The following PCDH15 variants were observed in gnomAD, a reference collection of about 807,000 sequenced individuals.
PCDH15 encodes the protein protocadherin related 15.
In PCDH15, 129 loss-of-function variants were observed where a neutral mutation model predicts 178.5. The observed-to-expected ratio is 0.72, with a 90% CI of 0.63 to 0.84. PCDH15 has a LOEUF of 0.84. PCDH15 is among the 40% of genes least tolerant of loss of function. PCDH15 has a pLI of 0.00. For missense variants in PCDH15, 2,230 were observed against 2,099.9 expected (o/e 1.06, Z -1.21); for synonymous variants, 800 against 732.0 (o/e 1.09, Z -1.50).
intron 8 of PCDH15, among the ~76,000 whole-genome samples, chr10:54,251,044 G>T (rs562176435): frequency 6.6e-6 from 1 of 152,030 alleles, no homozygotes; most frequent in Non-Finnish European, 1.5e-5. Context: ...ACGTCTTTGA[G>T]TACTTTTATT....
chr10:53,898,209 C>T (rs1359006962), intron 26 of PCDH15, among the ~76,000 whole-genome samples: 1 of 151,796 alleles, frequency 6.6e-6, no homozygotes, highest in East Asian at 1.9e-4. Context: ...CCTCGTGATC[C>T]GCCCGCCTCG....
At chr10:55,155,948 G>A (rs1838875703) in intron 2 of PCDH15, among the ~76,000 whole-genome samples, 1 of 152,100 alleles carries the variant, frequency 6.6e-6, no homozygotes, top group Non-Finnish European at 1.5e-5. Flanking sequence ...TGATTCAGCA[G>A]TCAACAAAGC....
chr10:55,202,252 C>T (rs547785326), intron 1 of PCDH15, among the ~76,000 whole-genome samples: 3 of 152,130 alleles, frequency 2.0e-5, no homozygotes, highest in East Asian at 1.9e-4. Context: ...TCCAAGATGG[C>T]GAGTCAAAAA....
At chr10:55,599,840 G>T in intron 2 of PCDH15, 1 of 1,058,108 alleles carries the variant, frequency 9.5e-7, no homozygotes, top group Admixed American at 2.5e-5. Context: ...TAAGGGTTGC[G>T]GTATCCTGAA....
chr10:55,405,438 A>G (rs1355809298), intron 2 of PCDH15, among the ~76,000 whole-genome samples: 1 of 151,270 alleles, frequency 6.6e-6, no homozygotes, highest in Non-Finnish European at 1.5e-5. Flanking sequence ...TCATCTTTTC[A>G]GCCTTTGCCT....
intron 2 of PCDH15, among the ~76,000 whole-genome samples, chr10:55,551,626 C>T (rs1363561775): frequency 6.6e-6 from 1 of 151,568 alleles, no homozygotes; most frequent in African/African-American, 2.4e-5. Context: ...ACAAATTAAC[C>T]TCAATTTGTG....
At chr10:54,107,929 T>C (rs977509724) in intron 15 of PCDH15, among the ~76,000 whole-genome samples, 15 of 152,068 alleles carry the variant, frequency 9.9e-5, no homozygotes, top group African/African-American at 3.6e-4. Context: ...TAGGACTGGG[T>C]CAGAATGGGA....
At chr10:55,005,457 A>C (rs78072740) in intron 2 of PCDH15, among the ~76,000 whole-genome samples, 1,972 of 152,250 alleles carry the variant, frequency 0.013, 43 homozygotes, top group African/African-American at 0.044. Flanking sequence ...TTTTATGTTT[A>C]TCAAGATATT....
At chr10:54,656,425 A>G (rs2094408380) in intron 2 of PCDH15, among the ~76,000 whole-genome samples, 1 of 152,146 alleles carries the variant, frequency 6.6e-6, no homozygotes, top group Non-Finnish European at 1.5e-5. Context: ...CTACCCTCAC[A>G]ATCCTGGGCA....
chr10:54,031,432 G>A (rs993221371), intron 18 of PCDH15, among the ~76,000 whole-genome samples: 2 of 151,932 alleles, frequency 1.3e-5, no homozygotes, highest in African/African-American at 4.8e-5. Flanking sequence ...AATCTGTGGT[G>A]TATCCATGTA....
chr10:54,804,116 T>C (rs927791611), upstream of PCDH15, among the ~76,000 whole-genome samples: 1 of 152,142 alleles, frequency 6.6e-6, no homozygotes, highest in Non-Finnish European at 1.5e-5. Context: ...CTGGGCTCAC[T>C]GCAAGCTCCG....
chr10:54,368,662 G>T (rs942812014), intron 5 of PCDH15, among the ~76,000 whole-genome samples: 1 of 151,912 alleles, frequency 6.6e-6, no homozygotes, highest in Non-Finnish European at 1.5e-5. Context: ...GTGATTTGTA[G>T]TTAATTTTTG....
intron 2 of PCDH15, among the ~76,000 whole-genome samples, chr10:55,490,312 A>G (rs937642921): frequency 6.6e-6 from 1 of 151,884 alleles, no homozygotes; most frequent in East Asian, 2.0e-4. Flanking sequence ...AGGAAGCTAT[A>G]AAGAGACAGA....
intron 2 of PCDH15, among the ~76,000 whole-genome samples, chr10:55,504,123 A>T (rs1840712424): frequency 6.6e-6 from 1 of 151,422 alleles, no homozygotes; most frequent in South Asian, 2.1e-4. Flanking sequence ...AACCTATAGA[A>T]TTTAGAACAC....
chr10:54,078,271 A>G (rs1277101979), intron 17 of PCDH15, among the ~76,000 whole-genome samples: 1 of 152,066 alleles, frequency 6.6e-6, no homozygotes, highest in Non-Finnish European at 1.5e-5. Context: ...TACCAAATTT[A>G]ATTATTTCTA....
chr10:54,279,608 T>C (rs1286881447), intron 8 of PCDH15, among the ~76,000 whole-genome samples: 1 of 149,034 alleles, frequency 6.7e-6, no homozygotes, highest in East Asian at 1.9e-4. Context: ...CTAACAAATA[T>C]TTCCAGATAT....
chr10:55,263,039 T>C (rs773581068), intron 1 of PCDH15, among the ~76,000 whole-genome samples: 1 of 152,076 alleles, frequency 6.6e-6, no homozygotes. Flanking sequence ...TCCCATCACA[T>C]GCCCTGTGAT....
At chr10:55,102,733 C>T (rs192144848) in intron 2 of PCDH15, among the ~76,000 whole-genome samples, 57 of 152,040 alleles carry the variant, frequency 3.7e-4, no homozygotes, top group African/African-American at 8.7e-4. Context: ...CTTTTGGCTC[C>T]CCCAAAATAT....
intron 26 of PCDH15, among the ~76,000 whole-genome samples, chr10:53,902,844 T>C (rs952484760): frequency 2.0e-5 from 3 of 152,186 alleles, no homozygotes; most frequent in South Asian, 2.1e-4. Context: ...AAATTCACAA[T>C]TTCAGAAAAA....
Sources: gnomAD v4.1 joint callset for allele counts (sites outside exome capture counted in the v4.1 genomes callset) on GRCh38, gnomAD v4.1.1 for gene constraint, MANE v1.5 for transcripts, NCBI Gene and HGNC (gene_info 2026-07-23, HGNC 2026-07-21) for gene names.